Variants in GLI3 observed in about 807,000 individuals in gnomAD.
GLI3 encodes GLI family zinc finger 3.
A neutral mutation model predicts 100.8 loss-of-function variants in GLI3; 20 were observed. The ratio of observed to expected loss-of-function variants is 0.20; its 90% CI spans 0.14 to 0.29. GLI3 has a LOEUF of 0.29. GLI3 is among the 10% of genes least tolerant of loss of function. The pLI is 1.00. For synonymous variants in GLI3, 938 were observed against 860.5 expected (o/e 1.09, Z -1.58); for missense variants, 2,040 against 2,128.5 (o/e 0.96, Z 0.82).
chr7:41,971,904 C>T (rs531443167), intron 13 of GLI3, among the ~76,000 whole-genome samples: 1 of 152,292 alleles, frequency 6.6e-6, no homozygotes, highest in East Asian at 1.9e-4. Flanking sequence ...AAGCCTCCAT[C>T]ACACTGCACG....
chr7:42,201,078 T>C (rs905668408), intron 2 of GLI3, among the ~76,000 whole-genome samples: 8 of 152,214 alleles, frequency 5.3e-5, no homozygotes, highest in Admixed American at 5.2e-4. Flanking sequence ...AAGTTTTTTC[T>C]TATAAATATA....
intron 3 of GLI3, among the ~76,000 whole-genome samples, chr7:42,102,666 C>T (rs1313990559): frequency 1.3e-5 from 2 of 152,192 alleles, no homozygotes; most frequent in Non-Finnish European, 2.9e-5. Context: ...CTTCCCATGC[C>T]TAGGATTAGA....
intron 4 of GLI3, among the ~76,000 whole-genome samples, chr7:42,063,476 A>G (rs776283110): frequency 1.3e-5 from 2 of 152,196 alleles, no homozygotes; most frequent in Non-Finnish European, 1.5e-5. Flanking sequence ...TTAAACATGT[A>G]TCATTCCAGC....
At chr7:42,140,332 G>C (rs1786536778) in intron 3 of GLI3, among the ~76,000 whole-genome samples, 1 of 152,150 alleles carries the variant, frequency 6.6e-6, no homozygotes, top group South Asian at 2.1e-4. Flanking sequence ...CACTCAATAA[G>C]CAAATGCTCA....
intron 3 of GLI3, among the ~76,000 whole-genome samples, chr7:42,095,201 C>A (rs1785312007): frequency 6.6e-6 from 1 of 152,188 alleles, no homozygotes; most frequent in Non-Finnish European, 1.5e-5. Flanking sequence ...CTGCTAGGCT[C>A]CACCCCAGCA....
At position 42,027,144 on chromosome 7, in the gene GLI3, T is replaced by C. The variant is rs1583806245; in HGVS notation, c.1029-732A>G. Among the ~76,000 whole-genome samples, 4 of 152,284 alleles carry C rather than the reference T, an allele frequency of 2.6e-5. No individual in the cohort carries two copies. The East Asian group carries it at 5.8e-4, about 22-fold the overall frequency. ...CTGTCACCACTTTATTATGCCACACTATTTCCCAGGCTACAGTAAGTCCTG... is the reference window on the plus strand; with the variant it reads ...CTGTCACCACTTTATTATGCCACACCATTTCCCAGGCTACAGTAAGTCCTG... On this transcript the variant is annotated intron_variant, in intron 7 of 14. Coordinates refer to ENST00000395925, the MANE Select transcript of GLI3 (RefSeq NM_000168.6).
Position 42,251,879 on chromosome 7 carries a change from G to A in GLI3, c.-43+12115C>T, listed in dbSNP as rs547571982. 2.2e-4 allele frequency among the ~76,000 whole-genome samples: 34 copies of A among 152,076 alleles called. No homozygotes were observed. The East Asian group carries it at 5.0e-3, about 22-fold the overall frequency. On this transcript the variant is annotated intron_variant, in intron 1 of 2. Transcript: ENST00000678978. ...GAATATGGCGTGTTCAGAAGTAATG[G>A]CAAGTTATCTAGTGTGATCGAGTGG...
chr7:42,208,762 GT>G (rs1364251369), intron 2 of GLI3, among the ~76,000 whole-genome samples: 1 of 152,190 alleles, frequency 6.6e-6, no homozygotes, highest in Admixed American at 6.5e-5. Flanking sequence ...TGTTCAAGAG[GT>G]TTGAAAGAGG....
At chr7:42,151,028 C>T (rs564955352) in intron 2 of GLI3, among the ~76,000 whole-genome samples, 22 of 152,164 alleles carry the variant, frequency 1.4e-4, no homozygotes, top group African/African-American at 4.3e-4. Flanking sequence ...AAGAAGTAAC[C>T]GAAGTGCACA....
At chr7:42,059,988 C>T (rs1411164224) in intron 4 of GLI3, among the ~76,000 whole-genome samples, 1 of 152,236 alleles carries the variant, frequency 6.6e-6, no homozygotes, top group Non-Finnish European at 1.5e-5. Context: ...CTGTTCTATA[C>T]ACCAGTTGCA....
intron 2 of GLI3, among the ~76,000 whole-genome samples, chr7:42,168,082 A>C (rs968574189): frequency 1.3e-5 from 2 of 152,256 alleles, no homozygotes; most frequent in Non-Finnish European, 2.9e-5. Context: ...GAGTAAATCA[A>C]GAAAAACTGA....
intron 2 of GLI3, among the ~76,000 whole-genome samples, chr7:42,154,576 A>G (rs980994220): frequency 6.6e-6 from 1 of 152,256 alleles, no homozygotes; most frequent in African/African-American, 2.4e-5. Context: ...CTCTTTGAAT[A>G]AAAACCAACG....
intron 10 of GLI3, among the ~76,000 whole-genome samples, chr7:42,006,485 GTATGAAACAT>G (rs1788463811): frequency 6.6e-6 from 1 of 152,272 alleles, no homozygotes; most frequent in Middle Eastern, 3.4e-3. Flanking sequence ...ATTAGACAAA[GTATGAAACAT>G]TTCATTCATT....
chr7:42,040,967 A>G (rs1444680503), intron 6 of GLI3, among the ~76,000 whole-genome samples: 1 of 152,166 alleles, frequency 6.6e-6, no homozygotes, highest in African/African-American at 2.4e-5. Flanking sequence ...TCCCCACAAT[A>G]AAGAATTATC....
chr7:41,996,273 T>G (rs1788121140), intron 10 of GLI3, among the ~76,000 whole-genome samples: 1 of 152,050 alleles, frequency 6.6e-6, no homozygotes, highest in African/African-American at 2.4e-5. Context: ...TTAAAAATTA[T>G]TTGTTGGAAC....
At chr7:41,981,281 AG>A (rs1787660267) in intron 10 of GLI3, among the ~76,000 whole-genome samples, 1 of 152,248 alleles carries the variant, frequency 6.6e-6, no homozygotes, top group Admixed American at 6.5e-5. Context: ...TCCATGACGT[AG>A]GTAAGCTTGG....
intron 3 of GLI3, among the ~76,000 whole-genome samples, chr7:42,088,403 A>G (rs1050107627): frequency 5.2e-4 from 79 of 152,130 alleles, no homozygotes; most frequent in African/African-American, 1.7e-3. Context: ...CTTGTTGGCT[A>G]CCCTTCCCTT....
intron 7 of GLI3, among the ~76,000 whole-genome samples, chr7:42,032,467 T>C (rs931076415): frequency 6.6e-6 from 1 of 152,210 alleles, no homozygotes; most frequent in Non-Finnish European, 1.5e-5. Flanking sequence ...AGAGTTCATA[T>C]TGTAGAAAAT....
intron 3 of GLI3, among the ~76,000 whole-genome samples, chr7:42,142,098 GA>G: frequency 6.6e-6 from 1 of 152,332 alleles, no homozygotes; most frequent in South Asian, 2.1e-4. Context: ...GTTTAAAGGT[GA>G]GAATGACATG....
Sources: gnomAD v4.1 joint callset for allele counts (sites outside exome capture counted in the v4.1 genomes callset) on GRCh38, gnomAD v4.1.1 for gene constraint, MANE v1.5 for transcripts, NCBI Gene and HGNC (gene_info 2026-07-23, HGNC 2026-07-21) for gene names.